The following KRT85 variants were observed in gnomAD, a reference collection of about 807,000 sequenced individuals.
KRT85 encodes keratin 85, also known as keratin, type II cuticular Hb5.
In KRT85, 39 loss-of-function variants were observed where a neutral mutation model predicts 53.7. The observed-to-expected ratio is 0.73, with a 90% confidence interval of 0.56 to 0.95. The LOEUF is 0.95. Among genes scored for constraint, KRT85 ranks in the 40% least tolerant of loss-of-function variants. The pLI, the probability that KRT85 is intolerant of heterozygous loss-of-function variation, is 0.00. For synonymous variants in KRT85, 291 were observed against 277.5 expected (o/e 1.05, Z -0.48); for missense variants, 668 against 686.0 (o/e 0.97, Z 0.29).
At position 52,362,498 on chromosome 12, in the gene KRT85, G is replaced by A. The variant is rs748343413; in HGVS notation, c.1078-27C>T. 3.1e-6 allele frequency: 5 copies of A among 1,612,082 alleles called. No homozygotes were observed. The African/African-American group carries it at 6.7e-5, about 22-fold the overall frequency. ...TATCAGGTGGAGATACAAGGGCCAG[G>A]ATGAGAAAGAGAAGCCACAGCTTGG... On this transcript the variant is annotated intron_variant, in intron 6 of 8. Transcript: ENST00000257901.
Position 52,363,342 on chromosome 12 carries a change from G to A in KRT85, c.855C>T (p.Asp285=), listed in dbSNP as rs1255945039. 2 of 1,614,156 alleles carry A rather than the reference G, an allele frequency of 1.2e-6. No homozygotes were observed. Among genetic ancestry groups the A allele is most frequent in the Admixed American group, 1.7e-5 (1 of 60,018 alleles). Residue 285 remains aspartate (D), a synonymous_variant, in exon 5 of 9, where the codon GAC becomes GAT. Coordinates refer to ENST00000257901, the MANE Select transcript of KRT85 (RefSeq NM_002283.4). ...SVIVKMDNSR[D]LNMDCIIAEI... ...CAGCGATGATGCAGTCCATGTTCAG[G>A]TCTCGGCTGTTGTCCATCTTGACTA...
Position 52,362,933 on chromosome 12 carries a change from C to A in KRT85, c.998G>T (p.Arg333Leu). 1 of 1,614,142 alleles carries A rather than the reference C, an allele frequency of 6.2e-7. No homozygotes were observed. The highest frequency in any genetic ancestry group is 2.2e-5 in the East Asian group (1 of 44,854). ...CTCGTTGATCTCCTCCTTGGTGCGG[C>A]GCAGGGTCTCCCCATGCCTGATCAC... Reference protein sequence around the residue: ...ATVIRHGETLRRTKEEINELN... With the variant: ...ATVIRHGETLLRTKEEINELN... Residue 333 changes from arginine to leucine, a missense_variant, in exon 6 of 9, where the codon CGC becomes CTC. Physicochemically the swap from Arg to Leu is moderately radical, Grantham distance 102. Around this residue, in one of 3 missense-constraint regions of KRT85, gnomAD observed 488 missense variants for 498.1 expected, o/e 0.98. Coordinates refer to ENST00000257901, the MANE Select transcript of KRT85 (RefSeq NM_002283.4).
rs762948173 is a variant in KRT85 at position 52,362,262 on chromosome 12, G to A, written c.1287C>T (p.Gly429=). Residue 429 remains glycine (G), a synonymous_variant, in exon 7 of 9, where the codon GGC becomes GGT. Transcript: ENST00000257901. ...CCTCTTAGCCCCACCTGTGTTCCTC[G>A]CCCTCCAGCAGGCGCCTGTAGGTGG... The part of the protein sequence containing the change: ...EIATYRRLLE[G]EEHRLCEGVG... 18 of 1,613,876 alleles carry A rather than the reference G, an allele frequency of 1.1e-5. No homozygotes were observed. The highest frequency in any genetic ancestry group is 1.7e-5 in the Admixed American group (1 of 59,998).
rs1326955451 is a variant in KRT85 at position 52,362,232 on chromosome 12, A to G, written c.1298+19T>C. The stretch of plus-strand genomic sequence containing the variant: ...ACAGCCTCCACCTCTGAAACCCCAC[A>G]AAGTCCTCTTAGCCCCACCTGTGTT... On this transcript the variant is annotated intron_variant, in intron 7 of 8. Coordinates refer to ENST00000257901, the MANE Select transcript of KRT85 (RefSeq NM_002283.4). The G allele has an allele frequency of 3.1e-6, 5 of 1,613,830 alleles. No homozygotes were observed. In the African/African-American group the frequency reaches 4.0e-5, roughly 13 times the overall value.
Position 52,367,034 on chromosome 12 carries a change from C to T in KRT85, c.372G>A (p.Lys124=). The T allele has an allele frequency of 6.2e-7, 1 of 1,613,886 alleles. No individual in the cohort carries two copies. Among genetic ancestry groups the T allele is most frequent in the Non-Finnish European group, 8.5e-7 (1 of 1,179,880 alleles). The change falls in exon 1 of 9, where the codon AAG becomes AAA. Residue 124 remains lysine, a synonymous_variant. Coordinates refer to ENST00000257901, the MANE Select transcript of KRT85 (RefSeq NM_002283.4). The stretch of plus-strand genomic sequence containing the variant: ...TGCTGTTGAGGGACTTGATCTGCTC[C>T]TTCTCCTCCTGCTTCACGCACTGTG... The part of the protein sequence containing the change: ...PNAQCVKQEE[K]EQIKSLNSRF...
In KRT85 at chr12:52,364,106, C is replaced by T. The variant is rs1939236008; in HGVS notation, c.748G>A (p.Val250Met). 9 of 1,614,030 alleles carry T rather than the reference C, an allele frequency of 5.6e-6. No individual in the cohort carries two copies. The highest frequency in any genetic ancestry group is 7.6e-6 in the Non-Finnish European group (9 of 1,180,042). The part of the protein sequence containing the change: ...SDLEANVEAL[V>M]EESSFLRRLY... ...CGCCTCAGGAAGCTAGACTCCTCCA[C>T]CAGGGCCTCCACATTGGCCTCCAGG... The change falls in exon 4 of 9, where the codon GTG becomes ATG. Residue 250 changes from valine to methionine, a missense_variant. By Grantham distance (21) the Val-to-Met change is conservative. This residue lies in a region of KRT85 where 488 missense variants were observed against 498.1 expected (regional missense o/e 0.98). Transcript: ENST00000257901.
chr12:52,364,625 A>G, intron 2 of KRT85: 3 of 1,439,656 alleles, frequency 2.1e-6, no homozygotes, highest in Non-Finnish European at 2.7e-6. Flanking sequence ...TCATCTGTGC[A>G]TCCTAGGTCC....
chr12:52,362,613 A>G, intron 6 of KRT85, 142 bp from the exon 7 acceptor site: 3 of 1,224,304 alleles, frequency 2.5e-6, no homozygotes, highest in Non-Finnish European at 3.5e-6. Flanking sequence ...GGCTGTGAAT[A>G]TGAGGGAGGA....
intron 2 of KRT85, 41 bp downstream of exon 2, chr12:52,364,921 C>CT (rs1206032689): frequency 6.2e-7 from 1 of 1,612,004 alleles, no homozygotes; most frequent in African/African-American, 1.3e-5. Flanking sequence ...CCAGCATTCT[C>CT]TCTGAGTTTC....
At position 52,367,252 on chromosome 12, in the gene KRT85, C is replaced by A. The variant is rs777747698; in HGVS notation, c.154G>T (p.Gly52Cys). The part of the protein sequence containing the change: ...VSCYRGLTGF[G>C]SRSLCNLGSC... Reference sequence around the variant, plus strand: ...CCCAGGTTGCAGAGGCTGCGGCTGCCGAAGCCCGTCAGCCCTCGGTAGCAG... The same window carrying A: ...CCCAGGTTGCAGAGGCTGCGGCTGCAGAAGCCCGTCAGCCCTCGGTAGCAG... Residue 52 changes from glycine (G) to cysteine (C), a missense_variant, in exon 1 of 9, where the codon GGC (glycine) becomes TGC (cysteine). Physicochemically the swap from Gly to Cys is radical, Grantham distance 159. This residue lies in a region of KRT85 where 158 missense variants were observed against 141.8 expected (regional missense o/e 1.11). Transcript: ENST00000257901. The A allele has an allele frequency of 6.2e-7, 1 of 1,612,190 alleles. No homozygotes were observed. The highest frequency in any genetic ancestry group is 1.3e-5 in the African/African-American group (1 of 75,018).
chr12:52,363,409 T>A lies in KRT85; in HGVS notation c.788A>T (p.Glu263Val). The A allele has an allele frequency of 6.2e-7, 1 of 1,614,130 alleles. No individual in the cohort carries two copies. Among genetic ancestry groups the A allele is most frequent in the Non-Finnish European group, 8.5e-7 (1 of 1,180,028 alleles). Residue 263 changes from glutamate to valine, a missense_variant and splice_region_variant, in exon 5 of 9, where the codon GAG becomes GTG. Around this residue, in one of 3 missense-constraint regions of KRT85, gnomAD observed 488 missense variants for 498.1 expected, o/e 0.98. Coordinates refer to ENST00000257901, the MANE Select transcript of KRT85 (RefSeq NM_002283.4). Reference sequence around the variant, plus strand: ...GATGTGGGCTTGGAGAACGCGGATCTCCTGTGGGGCCAACAGCCAGTGCAT... The same window carrying A: ...GATGTGGGCTTGGAGAACGCGGATCACCTGTGGGGCCAACAGCCAGTGCAT... ...SSFLRRLYEE[E>V]IRVLQAHISD...
At position 52,367,051 on chromosome 12, in the gene KRT85, C is replaced by G; in HGVS notation, c.355G>C (p.Val119Leu). 1 of 1,613,778 alleles carries G rather than the reference C, an allele frequency of 6.2e-7. No homozygotes were observed. Among genetic ancestry groups the G allele is most frequent in the Non-Finnish European group, 8.5e-7 (1 of 1,179,878 alleles). The part of the protein sequence containing the change: ...NLEIDPNAQC[V>L]KQEEKEQIKS... ...ATCTGCTCCTTCTCCTCCTGCTTCA[C>G]GCACTGTGCGTTGGGGTCGATCTCC... The change falls in exon 1 of 9, where the codon GTG becomes CTG. Residue 119 changes from valine to leucine, a missense_variant. Transcript: ENST00000257901.
At position 52,365,247 on chromosome 12, in the gene KRT85, C is replaced by G; in HGVS notation, c.421-77G>C. 3 of 1,477,658 alleles carry G rather than the reference C, an allele frequency of 2.0e-6. No homozygotes were observed. The East Asian group carries it at 6.9e-5, about 34-fold the overall frequency. The allele number at this position is 1,477,658 out of a possible 1,614,324, so 91.5% of individuals were successfully genotyped here. On this transcript the variant is annotated intron_variant, in intron 1 of 8. Coordinates refer to ENST00000257901, the MANE Select transcript of KRT85 (RefSeq NM_002283.4). ...TGGTCCCCCACAGTCTCTCTGCCCT[C>G]GGGTGCTGGCTGAATGGGCTGAGCC...
rs369807814 is a variant in KRT85, at chr12:52,364,982, C to A, written c.609G>T (p.Val203=). The stretch of plus-strand genomic sequence containing the variant: ...CTCACTTCTTCTTGTAGCCCTCCAG[C>A]ACCTCCTGCACATGGTTGAGCTCTG... ...LASELNHVQE[V]LEGYKKKYEE... is the part of the protein sequence containing the mutation. The change falls in exon 2 of 9, where the codon GTG becomes GTT. Residue 203 remains valine (V), a synonymous_variant. Transcript: ENST00000257901. 3 of 1,612,790 alleles carry A rather than the reference C, an allele frequency of 1.9e-6. No individual in the cohort carries two copies. In the South Asian group the frequency reaches 3.3e-5, roughly 18 times the overall value.
intron 6 of KRT85, 137 bp from the exon 7 acceptor site, chr12:52,362,608 T>C: frequency 8.1e-7 from 1 of 1,239,044 alleles, no homozygotes; most frequent in Non-Finnish European, 1.2e-6. Flanking sequence ...AATGGGGCTG[T>C]GAATATGAGG....
Position 52,362,400 on chromosome 12 carries a change from G to T in KRT85, c.1149C>A (p.Cys383Ter), listed in dbSNP as rs1191161234. 8 of 1,614,218 alleles carry T rather than the reference G, an allele frequency of 5.0e-6. No individual in the cohort carries two copies. Among genetic ancestry groups the T allele is most frequent in the Non-Finnish European group, 6.8e-6 (8 of 1,180,044 alleles). ...QGEAALSDARCKLAELEGALQ... is the reference protein window; with the variant it reads ...QGEAALSDAR ...GGGCGCCCTCCAGCTCAGCCAGCTT[G>T]CAGCGGGCATCGCTGAGGGCCGCCT... Residue 383 changes from cysteine to a stop codon, truncating the protein, a stop_gained, in exon 7 of 9, where the codon TGC becomes TGA. Coordinates refer to ENST00000257901, the MANE Select transcript of KRT85 (RefSeq NM_002283.4). LOFTEE classifies it high-confidence loss of function.
intron 2 of KRT85, chr12:52,364,582 T>C: frequency 6.9e-7 from 1 of 1,449,830 alleles, no homozygotes; most frequent in Non-Finnish European, 9.0e-7. Context: ...GAGATGGGGT[T>C]AGGAATGCAC....
rs1161853273 is a variant in KRT85 at position 52,363,546 on chromosome 12, A to G, written c.787-136T>C. The G allele has an allele frequency of 3.3e-6, 3 of 899,276 alleles. No individual in the cohort carries two copies. The East Asian group carries it at 7.9e-5, about 24-fold the overall frequency. 55.7% of individuals were successfully genotyped at this position (899,276 alleles called of 1,614,324 possible). A position where few individuals can be genotyped will look rare whatever the true frequency, so the allele number is the denominator to read the frequency against. On this transcript the variant is annotated intron_variant, in intron 4 of 8. Transcript: ENST00000257901. ...CATGACTCCTGCTCCTACCACCTTC[A>G]CTCATGCACAGGCTCCTTAAAAACA...
rs1939237001 is a variant in KRT85, at chr12:52,364,147, T to C, written c.707A>G (p.Tyr236Cys). 2 of 1,614,078 alleles carry C rather than the reference T, an allele frequency of 1.2e-6. No homozygotes were observed. The highest frequency in any genetic ancestry group is 1.7e-6 in the Non-Finnish European group (2 of 1,180,006). ...VVLKKDVDCA[Y>C]LRKSDLEANV... ...GGCCTCCAGGTCTGATTTCCGCAGG[T>C]AGGCACAGTCCACGTCCTGGCCGTG... Residue 236 changes from tyrosine (Y) to cysteine (C), a missense_variant, in exon 4 of 9, where the codon TAC (tyrosine) becomes TGC (cysteine). Transcript: ENST00000257901.
Sources: allele counts gnomAD v4.1 joint callset, GRCh38; gene constraint gnomAD v4.1.1; regional missense constraint gnomAD v4.1.1; transcripts MANE v1.5; gene names NCBI Gene and HGNC (gene_info 2026-07-23, HGNC 2026-07-21).